MYT1L: variants seen among roughly 807,000 people sequenced by gnomAD.
The protein encoded by MYT1L is myelin transcription factor 1 like, also known as myelin transcription factor 1-like protein.
A neutral mutation model predicts 126.7 loss-of-function variants in MYT1L; 12 were observed. The observed-to-expected ratio is 0.09, with a 90% CI of 0.06 to 0.15. The LOEUF is 0.15. MYT1L is among the 10% of genes least tolerant of loss of function. MYT1L has a pLI of 1.00. For missense variants in MYT1L, 979 were observed against 1,585.2 expected (o/e 0.62, Z 6.49); for synonymous variants, 541 against 604.2 (o/e 0.90, Z 1.53).
chr2:2,177,130 G>T (rs2090896249), intron 2 of MYT1L, among the ~76,000 whole-genome samples: 1 of 152,216 alleles, frequency 6.6e-6, no homozygotes, highest in Non-Finnish European at 1.5e-5. Context: ...GTCGTCAACA[G>T]GACTGTCACA....
At chr2:2,321,684 T>A (rs1036058827) in intron 1 of MYT1L, among the ~76,000 whole-genome samples, 30 of 152,062 alleles carry the variant, frequency 2.0e-4, no homozygotes, top group African/African-American at 6.3e-4. Flanking sequence ...AATCCTATAA[T>A]GAAAATCTTT....
At chr2:2,023,222 T>C (rs1451561029) in intron 4 of MYT1L, among the ~76,000 whole-genome samples, 1 of 152,158 alleles carries the variant, frequency 6.6e-6, no homozygotes, top group Non-Finnish European at 1.5e-5. Context: ...TTATGGCCAG[T>C]GTGGGCACTT....
chr2:2,116,859 G>T (rs1289904160), intron 3 of MYT1L, among the ~76,000 whole-genome samples: 1 of 152,202 alleles, frequency 6.6e-6, no homozygotes, highest in Non-Finnish European at 1.5e-5. Flanking sequence ...AAGGCCCGGG[G>T]GCCAGACCTG....
At chr2:2,147,654 G>T (rs896561559) in intron 3 of MYT1L, among the ~76,000 whole-genome samples, 4 of 152,214 alleles carry the variant, frequency 2.6e-5, no homozygotes, top group African/African-American at 9.6e-5. Context: ...CCGCAGGACG[G>T]GGGGCGGGTG....
chr2:1,838,337 A>G (rs544139726), intron 21 of MYT1L, among the ~76,000 whole-genome samples: 1 of 152,326 alleles, frequency 6.6e-6, no homozygotes, highest in East Asian at 1.9e-4. Context: ...TGAACATGCC[A>G]TTATTCCTGT....
At chr2:2,162,837 G>A (rs796428872) in intron 3 of MYT1L, among the ~76,000 whole-genome samples, 5 of 152,280 alleles carry the variant, frequency 3.3e-5, no homozygotes, top group African/African-American at 9.6e-5. Flanking sequence ...TACAGGCGTC[G>A]GAAATGTTCT....
At chr2:2,212,294 C>T (rs545085795) in intron 2 of MYT1L, among the ~76,000 whole-genome samples, 21 of 151,052 alleles carry the variant, frequency 1.4e-4, no homozygotes, top group African/African-American at 4.4e-4. Flanking sequence ...ATGAGTTACC[C>T]GATAATAAAG....
In MYT1L at chr2:1,798,220, T is replaced by TCC. The variant is rs538915379; in HGVS notation, c.3276+3474_3276+3475dup. 7.9e-3 allele frequency among the ~76,000 whole-genome samples: 205 copies of TCC among 25,998 alleles called. 59 individuals are homozygous for TCC. The highest frequency in any genetic ancestry group is 0.013 in the Non-Finnish European group (145 of 11,236). The allele number at this position is 25,998 out of a possible 152,430, so 17.1% of individuals were successfully genotyped here. A position where few individuals can be genotyped will look rare whatever the true frequency, so the allele number is the denominator to read the frequency against. On this transcript the variant is annotated intron_variant, in intron 23 of 24. Transcript: ENST00000647738. ...CTTCTCCGGCACAGGCGCGGCGGTC[T>TCC]CCCTCCATCCGGCACAGGCGCGGCG...
chr2:2,149,104 C>T (rs567885646), intron 3 of MYT1L, among the ~76,000 whole-genome samples: 1 of 152,152 alleles, frequency 6.6e-6, no homozygotes, highest in African/African-American at 2.4e-5. Flanking sequence ...TCTTTCCCTC[C>T]TTCCTTATTT....
chr2:2,266,874 C>T (rs1572977333), intron 2 of MYT1L, among the ~76,000 whole-genome samples: 1 of 152,326 alleles, frequency 6.6e-6, no homozygotes, highest in Middle Eastern at 3.4e-3. Flanking sequence ...TCTCCCTTGC[C>T]TTCTGCCATG....
intron 4 of MYT1L, among the ~76,000 whole-genome samples, chr2:2,031,592 G>A (rs191497240): frequency 2.2e-5 from 3 of 137,478 alleles, no homozygotes; most frequent in Admixed American, 7.3e-5. Flanking sequence ...CCCCTCGCCA[G>A]TGCCTCTCAT....
chr2:1,860,114 C>A (rs566614765), intron 18 of MYT1L, among the ~76,000 whole-genome samples: 3 of 152,310 alleles, frequency 2.0e-5, no homozygotes, highest in African/African-American at 7.2e-5. Context: ...CGAAAGGCGC[C>A]CCAAGTACAT....
At chr2:2,233,455 G>A (rs2094208311) in intron 2 of MYT1L, among the ~76,000 whole-genome samples, 2 of 152,228 alleles carry the variant, frequency 1.3e-5, no homozygotes, top group Admixed American at 1.3e-4. Context: ...GACCTCGCCT[G>A]TGTCTTGGAG....
intron 2 of MYT1L, among the ~76,000 whole-genome samples, chr2:2,278,183 T>A (rs1244447562): frequency 6.6e-6 from 1 of 152,230 alleles, no homozygotes; most frequent in Non-Finnish European, 1.5e-5. Flanking sequence ...GTGGCCTACA[T>A]GTGTTGTGTA....
intron 9 of MYT1L, among the ~76,000 whole-genome samples, chr2:1,939,348 G>A (rs1022088677): frequency 4.9e-4 from 74 of 152,134 alleles, no homozygotes; most frequent in Non-Finnish European, 6.3e-4. Context: ...GGCCAGCCTC[G>A]GGATGCTGAC....
chr2:2,043,462 T>C lies in MYT1L; in HGVS notation c.-158+10516A>G, dbSNP rs538808654. Among the ~76,000 whole-genome samples, 4 of 152,308 alleles carry C rather than the reference T, an allele frequency of 2.6e-5. No homozygotes were observed. In the East Asian group the frequency reaches 7.7e-4, roughly 29 times the overall value. On this transcript the variant is annotated intron_variant, in intron 4 of 24. Transcript: ENST00000647738. Reference sequence around the variant, plus strand: ...ATTGCAGCCACACCCTACAATGTGTTTGTTAACTTAATTACATTATTCCAA... The same window carrying C: ...ATTGCAGCCACACCCTACAATGTGTCTGTTAACTTAATTACATTATTCCAA...
chr2:1,791,694 A>T lies in MYT1L; in HGVS notation c.*173T>A. 1 of 622,270 alleles carries T rather than the reference A, an allele frequency of 1.6e-6. No individual in the cohort carries two copies. The highest frequency in any genetic ancestry group is 3.0e-5 in the East Asian group (1 of 33,724). 38.5% of individuals were successfully genotyped at this position (622,270 alleles called of 1,614,324 possible). ...CAAAATGTGGGTGTATTCAAAAACT[A>T]TTCTGCAGGTACTATCTTTAAAGCA... On this transcript the variant is annotated 3_prime_UTR_variant, in exon 25 of 25. Transcript: ENST00000647738. This position sits in a 1 kb window ranked among gnomAD's most constrained non-coding sequence, Gnocchi z 6.0.
intron 13 of MYT1L, among the ~76,000 whole-genome samples, chr2:1,908,435 A>G (rs1305231535): frequency 6.6e-6 from 1 of 151,680 alleles, no homozygotes; most frequent in Non-Finnish European, 1.5e-5. Context: ...GTAGGTGGGC[A>G]GAGCAGTCCC....
chr2:2,028,353 C>A (rs36039104), intron 4 of MYT1L, among the ~76,000 whole-genome samples: 1 of 152,172 alleles, frequency 6.6e-6, no homozygotes. Context: ...ACACTTATGC[C>A]TAAAGCAGTG....
Sources: allele counts gnomAD v4.1 joint callset (sites outside exome capture counted in the v4.1 genomes callset), GRCh38; gene constraint gnomAD v4.1.1; non-coding constraint Gnocchi (gnomAD v3.1); transcripts MANE v1.5; gene names NCBI Gene and HGNC (gene_info 2026-07-23, HGNC 2026-07-21).